Variants in PDE8B observed in about 807,000 individuals in gnomAD.
PDE8B encodes phosphodiesterase 8B.
PDE8B carries 26 observed loss-of-function variants against 101.3 expected under a neutral mutation model. The observed-to-expected ratio is 0.26, with a 90% CI of 0.19 to 0.36. PDE8B has a LOEUF of 0.36. Ranked by LOEUF, PDE8B falls within the 10% of genes least tolerant of loss-of-function variation. PDE8B has a pLI of 1.00. For missense variants in PDE8B, 810 were observed against 1,163.1 expected (o/e 0.70, Z 4.42); for synonymous variants, 424 against 429.3 (o/e 0.99, Z 0.15).
intron 6 of PDE8B, among the ~76,000 whole-genome samples, chr5:77,341,514 A>T (rs985047594): frequency 6.6e-6 from 1 of 152,250 alleles, no homozygotes; most frequent in African/African-American, 2.4e-5. Flanking sequence ...ACCTGTTTAC[A>T]TAGTTAGAGA....
chr5:77,387,989 A>C (rs1246510517), intron 10 of PDE8B, among the ~76,000 whole-genome samples: 1 of 151,986 alleles, frequency 6.6e-6, no homozygotes, highest in Non-Finnish European at 1.5e-5. Flanking sequence ...CCTTTTTTCA[A>C]GGTTCTTAGT....
chr5:77,314,805 C>T (rs945007977), intron 2 of PDE8B, among the ~76,000 whole-genome samples: 1 of 152,038 alleles, frequency 6.6e-6, no homozygotes, highest in African/African-American at 2.4e-5. Flanking sequence ...CTCTTACCAG[C>T]AATATGAGAT....
the PDE8B span, among the ~76,000 whole-genome samples, chr5:77,091,968 C>T: frequency 6.6e-6 from 1 of 152,042 alleles, no homozygotes; most frequent in Non-Finnish European, 1.5e-5. Context: ...GATTACACTC[C>T]AGTATGACAG....
rs149404563 is a variant in PDE8B at position 77,220,493 on chromosome 5, C to T, written c.339+9229C>T. On this transcript the variant is annotated intron_variant, in intron 1 of 21. Transcript: ENST00000264917. Reference sequence around the variant, plus strand: ...ACAACCAGGAAATGCTTTGGATGAACGTGAAAGGCAGTGTTCACTTTTATA... The same window carrying T: ...ACAACCAGGAAATGCTTTGGATGAATGTGAAAGGCAGTGTTCACTTTTATA... Among the ~76,000 whole-genome samples, 153 of 152,204 alleles carry T rather than the reference C, an allele frequency of 1.0e-3. 1 individual carries two copies. The highest frequency in any genetic ancestry group is 6.1e-3 in the Admixed American group (94 of 15,292).
At chr5:77,299,445 C>T (rs565784432) in intron 1 of PDE8B, among the ~76,000 whole-genome samples, 49 of 134,178 alleles carry the variant, frequency 3.7e-4, no homozygotes, top group African/African-American at 1.2e-3. Flanking sequence ...ACAACAGTCC[C>T]CGGAGTGTGA....
chr5:77,210,131 C>T (rs924204391), upstream of PDE8B, among the ~76,000 whole-genome samples: 1 of 152,118 alleles, frequency 6.6e-6, no homozygotes, highest in African/African-American at 2.4e-5. This position sits in a 1 kb window ranked among gnomAD's most constrained non-coding sequence, Gnocchi z 4.9. Context: ...TGGTGTTTAG[C>T]TCTGGGATGT....
the PDE8B span, among the ~76,000 whole-genome samples, chr5:77,186,814 G>A: frequency 6.6e-6 from 1 of 152,148 alleles, no homozygotes; most frequent in African/African-American, 2.4e-5. Context: ...GCAGAGGGGA[G>A]GCCAAGAGTC....
intron 2 of PDE8B, among the ~76,000 whole-genome samples, chr5:77,318,081 A>AAAAAC (rs1774230800): frequency 1.3e-5 from 2 of 149,060 alleles, no homozygotes; most frequent in African/African-American, 5.0e-5. Flanking sequence ...AAAAAAACAC[A>AAAAAC]ACAACAACAA....
At chr5:77,344,644 C>A (rs1779830774) in intron 6 of PDE8B, among the ~76,000 whole-genome samples, 1 of 152,230 alleles carries the variant, frequency 6.6e-6, no homozygotes, top group Non-Finnish European at 1.5e-5. Context: ...GACTTAGCCA[C>A]TTCCCAAAGG....
the PDE8B span, among the ~76,000 whole-genome samples, chr5:77,204,370 C>T: frequency 1.3e-5 from 2 of 149,988 alleles, no homozygotes; most frequent in East Asian, 1.9e-4. Context: ...GAGATCGCAC[C>T]ACTGTACTCA....
At chr5:77,098,566 G>T in the PDE8B span, 1 of 152,198 alleles carries the variant, frequency 6.6e-6, no homozygotes, top group Admixed American at 6.5e-5. Flanking sequence ...AAAATGCTGG[G>T]ATTAAAGGTG....
intron 1 of PDE8B, among the ~76,000 whole-genome samples, chr5:77,292,831 A>G (rs1484744809): frequency 3.3e-5 from 5 of 152,126 alleles, no homozygotes; most frequent in African/African-American, 1.2e-4. Flanking sequence ...AATATTTATT[A>G]TGCTTTTTAA....
At chr5:77,229,142 T>G (rs970593275) in intron 1 of PDE8B, among the ~76,000 whole-genome samples, 1 of 152,200 alleles carries the variant, frequency 6.6e-6, no homozygotes, top group African/African-American at 2.4e-5. Context: ...AAAATACTCT[T>G]TAAAGAGCTT....
intron 1 of PDE8B, among the ~76,000 whole-genome samples, chr5:77,230,169 T>A (rs1753271812): frequency 6.6e-6 from 1 of 152,228 alleles, no homozygotes; most frequent in African/African-American, 2.4e-5. Flanking sequence ...TTGATTTGCA[T>A]TTCCCTGATG....
At chr5:77,202,356 C>T in the PDE8B span, among the ~76,000 whole-genome samples, 1 of 152,232 alleles carries the variant, frequency 6.6e-6, no homozygotes, top group Admixed American at 6.5e-5. Context: ...TCTTCTGCCT[C>T]TGCAATCCCT....
intron 1 of PDE8B, among the ~76,000 whole-genome samples, chr5:77,300,921 C>T (rs1026364037): frequency 6.6e-6 from 1 of 152,218 alleles, no homozygotes; most frequent in African/African-American, 2.4e-5. Context: ...TGGGCATTTG[C>T]ATTTTGTGGC....
At chr5:77,233,310 C>T (rs946805434) in intron 1 of PDE8B, among the ~76,000 whole-genome samples, 2 of 152,088 alleles carry the variant, frequency 1.3e-5, no homozygotes, top group African/African-American at 4.8e-5. Flanking sequence ...GAAATGGTGC[C>T]ACAGGCTTGC....
At chr5:77,263,933 A>G (rs979611592) in intron 1 of PDE8B, among the ~76,000 whole-genome samples, 16 of 152,048 alleles carry the variant, frequency 1.1e-4, no homozygotes, top group African/African-American at 3.4e-4. Context: ...GTCACTACCC[A>G]TTTTCTCTCA....
At chr5:77,309,179 A>G (rs1771945763) in intron 1 of PDE8B, among the ~76,000 whole-genome samples, 1 of 147,800 alleles carries the variant, frequency 6.8e-6, no homozygotes, top group African/African-American at 2.5e-5. Context: ...ACTCTGTCAG[A>G]AAGAAAGAAA....
Sources: gnomAD v4.1 joint callset for allele counts (sites outside exome capture counted in the v4.1 genomes callset) on GRCh38, gnomAD v4.1.1 for gene constraint, Gnocchi (gnomAD v3.1) non-coding constraint, MANE v1.5 for transcripts, NCBI Gene and HGNC (gene_info 2026-07-23, HGNC 2026-07-21) for gene names.